The following ATF6 variants were observed in gnomAD, a reference collection of about 807,000 sequenced individuals.
ATF6 encodes the protein cyclic AMP-dependent transcription factor ATF-6 alpha.
ATF6 carries 53 observed loss-of-function variants against 83.6 expected under a neutral mutation model. The observed-to-expected ratio is 0.63, with a 90% CI of 0.51 to 0.80. The LOEUF is 0.80. Ranked by LOEUF, ATF6 falls within the 30% of genes least tolerant of loss-of-function variation. ATF6 has a pLI of 0.00. For missense variants in ATF6, 744 were observed against 797.9 expected (o/e 0.93, Z 0.81); for synonymous variants, 288 against 285.8 (o/e 1.01, Z -0.08).
Position 161,921,732 on chromosome 1 carries a change from C to T in ATF6, c.1804+9352C>T, listed in dbSNP as rs367823783. ...TCTTGTAACAGATTGGTGTGTATTT[C>T]TGTGTGTCTCTTGTAACGGAATACC... is the stretch of plus-strand genomic sequence containing the variant. On this transcript the variant is annotated intron_variant, in intron 15 of 15. Transcript: ENST00000367942. 6.6e-5 allele frequency among the ~76,000 whole-genome samples: 10 copies of T among 152,298 alleles called. No individual in the cohort carries two copies. In the South Asian group the frequency reaches 8.3e-4, roughly 13 times the overall value.
At chr1:161,768,212 G>A (rs531317739) in intron 1 of ATF6, among the ~76,000 whole-genome samples, 4 of 152,210 alleles carry the variant, frequency 2.6e-5, no homozygotes, top group South Asian at 2.1e-4. Flanking sequence ...ATTTTATGTC[G>A]TCTTCTGATA....
intron 15 of ATF6, among the ~76,000 whole-genome samples, chr1:161,920,278 TTCTC>T (rs1312606651): frequency 2.6e-5 from 3 of 117,024 alleles, no homozygotes; most frequent in African/African-American, 6.9e-5. Context: ...ATAGTTCTCT[TTCTC>T]TCTCTCTCTC....
intron 15 of ATF6, among the ~76,000 whole-genome samples, chr1:161,928,091 A>G (rs1385319152): frequency 2.0e-5 from 3 of 152,186 alleles, no homozygotes; most frequent in Non-Finnish European, 2.9e-5. Context: ...GGTCCTCATA[A>G]AGCCTATGTG....
intron 15 of ATF6, among the ~76,000 whole-genome samples, chr1:161,943,396 C>A (rs1688690328): frequency 6.6e-6 from 1 of 152,182 alleles, no homozygotes; most frequent in Non-Finnish European, 1.5e-5. Flanking sequence ...GAGGCCTCCC[C>A]AGCAATGTGG....
At chr1:161,940,948 A>G (rs1178608210) in intron 15 of ATF6, among the ~76,000 whole-genome samples, 1 of 152,176 alleles carries the variant, frequency 6.6e-6, no homozygotes, top group Admixed American at 6.5e-5. Context: ...GCATACCCGT[A>G]TCACACCTAT....
intron 14 of ATF6, among the ~76,000 whole-genome samples, chr1:161,869,324 A>G (rs149885204): frequency 1.6e-4 from 25 of 152,090 alleles, no homozygotes; most frequent in African/African-American, 6.0e-4. Flanking sequence ...TAAAAATTCA[A>G]TTGTATGTAT....
chr1:161,907,568 A>G (rs1366633474), intron 14 of ATF6, among the ~76,000 whole-genome samples: 2 of 152,206 alleles, frequency 1.3e-5, no homozygotes, highest in South Asian at 2.1e-4. Context: ...TCTAGGGGAA[A>G]TTATGATAGA....
At chr1:161,913,264 C>T (rs1035319081) in intron 15 of ATF6, among the ~76,000 whole-genome samples, 5 of 152,086 alleles carry the variant, frequency 3.3e-5, no homozygotes, top group African/African-American at 9.7e-5. Context: ...AAGATGGAAA[C>T]GAAAAGCCCT....
At chr1:161,921,186 G>T (rs978387972) in intron 15 of ATF6, among the ~76,000 whole-genome samples, 1 of 152,164 alleles carries the variant, frequency 6.6e-6, no homozygotes. Context: ...TGCTAAATTG[G>T]AATTGAGCAA....
At chr1:161,834,278 A>G (rs981768808) in intron 9 of ATF6, among the ~76,000 whole-genome samples, 3 of 152,156 alleles carry the variant, frequency 2.0e-5, no homozygotes, top group Non-Finnish European at 2.9e-5. Flanking sequence ...GAAAGGATTT[A>G]TAATCCCAAA....
chr1:161,934,187 A>G (rs1335268355), intron 15 of ATF6, among the ~76,000 whole-genome samples: 1 of 152,188 alleles, frequency 6.6e-6, no homozygotes, highest in Non-Finnish European at 1.5e-5. Flanking sequence ...AAGCTACACA[A>G]ACATTCTCCC....
At chr1:161,809,024 A>G (rs1342699573) in intron 7 of ATF6, among the ~76,000 whole-genome samples, 2 of 152,188 alleles carry the variant, frequency 1.3e-5, no homozygotes, top group African/African-American at 2.4e-5. Flanking sequence ...TTCATATACA[A>G]ATATATCTAT....
intron 15 of ATF6, among the ~76,000 whole-genome samples, chr1:161,930,621 G>T (rs1048717494): frequency 1.3e-5 from 2 of 152,100 alleles, no homozygotes; most frequent in Non-Finnish European, 2.9e-5. Context: ...ATAGCAAATT[G>T]TACATTTAAA....
chr1:161,914,316 T>C (rs942013072), intron 15 of ATF6, among the ~76,000 whole-genome samples: 2 of 152,180 alleles, frequency 1.3e-5, no homozygotes, highest in Admixed American at 6.5e-5. Flanking sequence ...TGCTTCCCAC[T>C]ACAACTTTCA....
At chr1:161,789,506 T>G (rs1430530275) in intron 4 of ATF6, among the ~76,000 whole-genome samples, 3 of 152,242 alleles carry the variant, frequency 2.0e-5, no homozygotes, top group South Asian at 2.1e-4. Context: ...AATTTTTTTT[T>G]CAGTGGATTG....
intron 14 of ATF6, among the ~76,000 whole-genome samples, chr1:161,907,054 A>G (rs1213991441): frequency 6.6e-6 from 1 of 152,166 alleles, no homozygotes; most frequent in African/African-American, 2.4e-5. Flanking sequence ...TATGATTTCA[A>G]ATTCCCAAAT....
chr1:161,894,143 T>C (rs1687619064), intron 14 of ATF6, among the ~76,000 whole-genome samples: 1 of 152,088 alleles, frequency 6.6e-6, no homozygotes, highest in South Asian at 2.1e-4. Flanking sequence ...TGGTATCCAA[T>C]GTGAATCATT....
At chr1:161,865,475 G>A (rs1686977304) in intron 14 of ATF6, among the ~76,000 whole-genome samples, 1 of 152,120 alleles carries the variant, frequency 6.6e-6, no homozygotes, top group Non-Finnish European at 1.5e-5. Flanking sequence ...GCTTTAAACA[G>A]ACTGTATTTT....
chr1:161,876,124 A>G (rs982907553), intron 14 of ATF6, among the ~76,000 whole-genome samples: 2 of 151,984 alleles, frequency 1.3e-5, no homozygotes, highest in African/African-American at 4.8e-5. Context: ...AACACTGAAT[A>G]TTTCAGTACT....
Sources: allele counts gnomAD v4.1 joint callset (sites outside exome capture counted in the v4.1 genomes callset), GRCh38; gene constraint gnomAD v4.1.1; transcripts MANE v1.5; gene names NCBI Gene and HGNC (gene_info 2026-07-23, HGNC 2026-07-21).